ICA1L: variants seen among roughly 807,000 people sequenced by gnomAD.
The protein encoded by ICA1L is islet cell autoantigen 1 like.
ICA1L carries 50 observed loss-of-function variants against 61.3 expected under a neutral mutation model. The observed-to-expected ratio is 0.82, with a 90% CI of 0.65 to 1.03. ICA1L has a LOEUF of 1.03. Among genes scored for constraint, ICA1L ranks in the 50% least tolerant of loss-of-function variants. The probability of loss-of-function intolerance (pLI) is 0.00; values close to 1 mark genes in which losing one functional copy is unlikely to be tolerated. For synonymous variants in ICA1L, 161 were observed against 191.3 expected, an observed-to-expected ratio of 0.84 and a Z score of 1.31; for missense variants, 508 against 556.7, an observed-to-expected ratio of 0.91 and a Z score of 0.88.
intron 12 of ICA1L, among the ~76,000 whole-genome samples, chr2:202,780,081 A>G (rs1209552067): frequency 1.3e-5 from 2 of 152,220 alleles, no homozygotes; most frequent in Non-Finnish European, 2.9e-5. Flanking sequence ...TCCATAGAAC[A>G]TTTAAGATCA....
intron 2 of ICA1L, among the ~76,000 whole-genome samples, chr2:202,828,500 A>G (rs1693911949): frequency 6.6e-6 from 1 of 152,336 alleles, no homozygotes; most frequent in South Asian, 2.1e-4. Context: ...GAGGTATAAG[A>G]CTTCACATCA....
At chr2:202,787,683 C>T (rs760409011) in intron 11 of ICA1L, among the ~76,000 whole-genome samples, 1 of 152,174 alleles carries the variant, frequency 6.6e-6, no homozygotes, top group Non-Finnish European at 1.5e-5. Flanking sequence ...AGAGCATGTA[C>T]CTCAGTATTT....
At chr2:202,862,272 CAAAAAAAAAAAAAAAAAA>C (rs778355110) in intron 1 of ICA1L, among the ~76,000 whole-genome samples, 10,898 of 63,752 alleles carry the variant, frequency 0.17, 936 homozygotes, top group Admixed American at 0.29. Flanking sequence ...CTCATTTCTA[CAAAAAAAAAAAAAAAAAA>C]AAAAAAAAAA....
At chr2:202,868,325 C>A (rs1360584137) in intron 1 of ICA1L, among the ~76,000 whole-genome samples, 4 of 152,140 alleles carry the variant, frequency 2.6e-5, no homozygotes, top group Non-Finnish European at 5.9e-5. Context: ...ACTGACAACA[C>A]CAAAATTGGT....
At chr2:202,841,076 C>T (rs189998100) in intron 1 of ICA1L, 48 of 637,136 alleles carry the variant, frequency 7.5e-5, no homozygotes, top group Non-Finnish European at 1.1e-4. Flanking sequence ...TCTGGGACTG[C>T]AGCTTCTGGA....
At chr2:202,804,470 T>C (rs1432912679) in intron 9 of ICA1L, among the ~76,000 whole-genome samples, 1 of 152,200 alleles carries the variant, frequency 6.6e-6, no homozygotes, top group Non-Finnish European at 1.5e-5. Flanking sequence ...GTTCAAATGC[T>C]GTTTCTTTGT....
chr2:202,838,420 T>C (rs1694213012), intron 1 of ICA1L, among the ~76,000 whole-genome samples: 1 of 152,232 alleles, frequency 6.6e-6, no homozygotes, highest in South Asian at 2.1e-4. Flanking sequence ...TGGAATGTTC[T>C]GCATATATAT....
Position 202,864,247 on chromosome 2 carries a change from A to AT in ICA1L, c.-8+7371dup, listed in dbSNP as rs879707202. On this transcript the variant is annotated intron_variant, in intron 1 of 12. Coordinates refer to ENST00000358299, the MANE Select transcript of ICA1L (RefSeq NM_001288622.3). ...TACAAGAAAAGATTATTACAGATCA[A>AT]TTTTTTTTTTTTTCGAGACGGAGTC... is the stretch of plus-strand genomic sequence containing the variant. Among the ~76,000 whole-genome samples, 1,036 of 146,428 alleles carry AT rather than the reference A, an allele frequency of 7.1e-3. 11 individuals carry two copies. The highest frequency in any genetic ancestry group is 0.021 in the African/African-American group (838 of 40,138).
chr2:202,800,889 TTAAGA>T (rs1440443453), intron 9 of ICA1L, among the ~76,000 whole-genome samples: 2 of 152,238 alleles, frequency 1.3e-5, no homozygotes, highest in East Asian at 1.9e-4. Context: ...TGATTTAACC[TTAAGA>T]TAAGGAAGCT....
Position 202,815,963 on chromosome 2 carries a change from T to C in ICA1L, c.731A>G (p.Gln244Arg), listed in dbSNP as rs1461432545. 1.2e-6 allele frequency: 2 copies of C among 1,605,478 alleles called. No homozygotes were observed. The highest frequency in any genetic ancestry group is 1.1e-5 in the South Asian group (1 of 89,444). ...AAAGCCAATACAGGCTTCATGAATT[T>C]GGGACATCATTCGAGCTGTTTTCTT... Reference protein sequence around the residue: ...FWKKTARMMSQIHEACIGFHP... With the variant: ...FWKKTARMMSRIHEACIGFHP... The change falls in exon 7 of 13, where the codon CAA becomes CGA. Residue 244 changes from glutamine to arginine, a missense_variant. Transcript: ENST00000358299.
chr2:202,832,774 G>A (rs1250954602), intron 1 of ICA1L, among the ~76,000 whole-genome samples: 1 of 152,006 alleles, frequency 6.6e-6, no homozygotes, highest in African/African-American at 2.4e-5. Flanking sequence ...CTGTGTGACA[G>A]ACTGCCTCTT....
At chr2:202,804,024 A>C (rs1004722341) in intron 9 of ICA1L, among the ~76,000 whole-genome samples, 3 of 152,172 alleles carry the variant, frequency 2.0e-5, no homozygotes, top group African/African-American at 7.2e-5. Context: ...AACTTCCTTC[A>C]AGCCTCCTTG....
chr2:202,858,539 A>C (rs1694825725), intron 1 of ICA1L, among the ~76,000 whole-genome samples: 1 of 152,162 alleles, frequency 6.6e-6, no homozygotes, highest in Admixed American at 6.6e-5. Context: ...TAAAACCTAG[A>C]TGACAGGTTG....
chr2:202,808,258 A>G (rs1693279170), intron 9 of ICA1L, among the ~76,000 whole-genome samples: 1 of 152,144 alleles, frequency 6.6e-6, no homozygotes, highest in African/African-American at 2.4e-5. Context: ...TTGAAGGGAG[A>G]GTCCTAAAAA....
rs867102111 is a variant in ICA1L, at chr2:202,785,974, A to G, written c.1277T>C (p.Leu426Pro). Residue 426 changes from leucine to proline, a missense_variant, in exon 12 of 13, where the codon CTT becomes CCT. Leu to Pro is a moderately conservative substitution (Grantham distance 98). Transcript: ENST00000358299. Reference protein sequence around the residue: ...WVSQEESELCLSHTDNQPVPS... With the variant: ...WVSQEESELCPSHTDNQPVPS... ...CACTGGCTGGTTATCAGTGTGTGAA[A>G]GACAAAGTTCTGATTCCTCTTGGGA... 6.2e-7 allele frequency: 1 copy of G among 1,610,344 alleles called. No individual in the cohort carries two copies. The highest frequency in any genetic ancestry group is 1.3e-5 in the African/African-American group (1 of 74,958).
chr2:202,781,278 A>G (rs1420268990), intron 12 of ICA1L, among the ~76,000 whole-genome samples: 1 of 152,138 alleles, frequency 6.6e-6, no homozygotes, highest in Non-Finnish European at 1.5e-5. Context: ...ATCAGAATCA[A>G]GAAGTAGAAC....
chr2:202,795,990 C>T (rs1470220395), intron 10 of ICA1L, among the ~76,000 whole-genome samples: 2 of 151,126 alleles, frequency 1.3e-5, no homozygotes, highest in Admixed American at 6.6e-5. Flanking sequence ...TTGCAGTGAG[C>T]CAAAATCGTG....
intron 1 of ICA1L, among the ~76,000 whole-genome samples, chr2:202,862,122 T>C (rs1286603545): frequency 1.3e-5 from 2 of 151,026 alleles, no homozygotes; most frequent in Non-Finnish European, 3.0e-5. Flanking sequence ...ATAACATTCT[T>C]GGGCTACAAT....
At chr2:202,802,549 G>A (rs1693110753) in intron 9 of ICA1L, among the ~76,000 whole-genome samples, 1 of 151,822 alleles carries the variant, frequency 6.6e-6, no homozygotes, top group Non-Finnish European at 1.5e-5. Context: ...TAGACACACT[G>A]TACTGAAAGA....
Sources: allele counts gnomAD v4.1 joint callset (sites outside exome capture counted in the v4.1 genomes callset), GRCh38; gene constraint gnomAD v4.1.1; transcripts MANE v1.5; gene names NCBI Gene and HGNC (gene_info 2026-07-23, HGNC 2026-07-21).